Variants in KALRN observed in about 807,000 individuals in gnomAD.
KALRN encodes the protein kalirin RhoGEF kinase.
A neutral mutation model predicts 353.7 loss-of-function variants in KALRN; 70 were observed. The observed-to-expected ratio is 0.20, with a 90% CI of 0.16 to 0.24. The LOEUF is 0.24. Ranked by LOEUF, KALRN falls within the 10% of genes least tolerant of loss-of-function variation. The pLI is 1.00. For synonymous variants in KALRN, 1,391 were observed against 1,434.8 expected, an observed-to-expected ratio of 0.97 and a Z score of 0.69; for missense variants, 2,791 against 3,756.7, an observed-to-expected ratio of 0.74 and a Z score of 6.72.
At chr3:124,615,154 C>A (rs1274170782) in intron 34 of KALRN, among the ~76,000 whole-genome samples, 1 of 152,184 alleles carries the variant, frequency 6.6e-6, no homozygotes, top group Non-Finnish European at 1.5e-5. Flanking sequence ...TCAAAGTTAA[C>A]ATAACTATAG....
chr3:124,224,076 C>G (rs116031099), intron 1 of KALRN, among the ~76,000 whole-genome samples: 1,654 of 151,884 alleles, frequency 0.011, 27 homozygotes, highest in African/African-American at 0.036. Context: ...GCCAGTGAAG[C>G]ATGCCTTTGT....
chr3:124,689,090 C>T (rs1017083950), intron 51 of KALRN, among the ~76,000 whole-genome samples: 5 of 152,374 alleles, frequency 3.3e-5, no homozygotes, highest in South Asian at 2.1e-4. Flanking sequence ...TCTACACCAG[C>T]CCTGTCCTCC....
Position 124,496,302 on chromosome 3 carries a change from T to A in KALRN, c.4833-9T>A. The A allele has an allele frequency of 6.2e-7, 1 of 1,600,176 alleles. No individual in the cohort carries two copies. Among genetic ancestry groups the A allele is most frequent in the Non-Finnish European group, 8.6e-7 (1 of 1,168,582 alleles). On this transcript the variant is annotated splice_polypyrimidine_tract_variant and intron_variant, in intron 32 of 59. Coordinates refer to ENST00000682506, the MANE Select transcript of KALRN (RefSeq NM_001388419.1). The stretch of plus-strand genomic sequence containing the variant: ...CCCCACCCCTGTTTTTTTTCTCTTC[T>A]TCCTGCAGGGATGGAGTGGAGGATA...
intron 10 of KALRN, 140 bp downstream of exon 10, chr3:124,347,405 C>A: frequency 1.1e-6 from 1 of 893,346 alleles, no homozygotes; most frequent in Admixed American, 3.9e-5. Flanking sequence ...GTGTGTGTGT[C>A]TAGATGAGGG....
intron 26 of KALRN, among the ~76,000 whole-genome samples, chr3:124,475,527 C>G (rs542601836): frequency 6.6e-6 from 1 of 152,174 alleles, no homozygotes; most frequent in East Asian, 1.9e-4. Flanking sequence ...CAGGGTCAAG[C>G]GTTCTACTAT....
intron 39 of KALRN, among the ~76,000 whole-genome samples, chr3:124,655,931 T>C (rs1297535924): frequency 6.6e-6 from 1 of 152,214 alleles, no homozygotes; most frequent in African/African-American, 2.4e-5. Context: ...TCATTCCACT[T>C]TGTTTTAGGT....
At chr3:124,215,269 C>T (rs76114148) in intron 1 of KALRN, among the ~76,000 whole-genome samples, 164 of 152,192 alleles carry the variant, frequency 1.1e-3, no homozygotes, top group African/African-American at 3.7e-3. Flanking sequence ...TTGTAGTACT[C>T]GCCGAATAGC....
chr3:124,228,075 G>T lies in KALRN; in HGVS notation c.148+11G>T, dbSNP rs1192839290. ...TGGCCTTCGTGTCTGGTGAGTATTTGTGGGACTTTCTTTTGTAAAGGACCT... is the reference window on the plus strand; with the variant it reads ...TGGCCTTCGTGTCTGGTGAGTATTTTTGGGACTTTCTTTTGTAAAGGACCT... On this transcript the variant is annotated intron_variant, in intron 2 of 59. Coordinates refer to ENST00000682506, the MANE Select transcript of KALRN (RefSeq NM_001388419.1). 1.1e-5 allele frequency: 17 copies of T among 1,607,490 alleles called. No homozygotes were observed. Among genetic ancestry groups the T allele is most frequent in the Non-Finnish European group, 1.4e-5 (17 of 1,174,206 alleles).
chr3:124,250,141 G>C (rs988416773), intron 3 of KALRN, among the ~76,000 whole-genome samples: 1 of 152,186 alleles, frequency 6.6e-6, no homozygotes, highest in Non-Finnish European at 1.5e-5. Context: ...TGCAGGCAAA[G>C]AGCACTGGGC....
rs2083322875 is a variant in KALRN at position 124,650,788 on chromosome 3, C to G, written c.5665-20C>G. 6.7e-6 allele frequency: 10 copies of G among 1,492,304 alleles called. No individual in the cohort carries two copies. The highest frequency in any genetic ancestry group is 8.0e-6 in the Non-Finnish European group (9 of 1,126,684). The allele number at this position is 1,492,304 out of a possible 1,614,324, so 92.4% of individuals were successfully genotyped here. On this transcript the variant is annotated intron_variant, in intron 37 of 59. Transcript: ENST00000682506. ...CTTTTCAAAGTACACTTCTCTAAGCCTGTTTTTCTCTCTTTTCAGAGTCTA... is the reference window on the plus strand; with the variant it reads ...CTTTTCAAAGTACACTTCTCTAAGCGTGTTTTTCTCTCTTTTCAGAGTCTA...
chr3:124,656,567 C>T (rs113867992), intron 39 of KALRN, among the ~76,000 whole-genome samples: 2,312 of 152,138 alleles, frequency 0.015, 59 homozygotes, highest in African/African-American at 0.052. Context: ...GCTGAGATCG[C>T]GCCACCGCAC....
chr3:124,190,349 A>G (rs1216015038), intron 1 of KALRN, among the ~76,000 whole-genome samples: 1 of 152,132 alleles, frequency 6.6e-6, no homozygotes, highest in Non-Finnish European at 1.5e-5. Flanking sequence ...TTTATCCTCA[A>G]GACCCTACCT....
At chr3:124,051,086 T>C (rs1217169114) in intron 1 of KALRN, among the ~76,000 whole-genome samples, 1 of 152,230 alleles carries the variant, frequency 6.6e-6, no homozygotes, top group Non-Finnish European at 1.5e-5. Flanking sequence ...CGGGATTCCA[T>C]GTATATACAT....
chr3:124,143,245 A>T (rs2149805142), intron 1 of KALRN, among the ~76,000 whole-genome samples: 1 of 152,320 alleles, frequency 6.6e-6, no homozygotes, highest in African/African-American at 2.4e-5. Flanking sequence ...ATCTAGCAAG[A>T]AAAGGCACAT....
At chr3:124,204,031 G>A (rs141710124) in intron 1 of KALRN, among the ~76,000 whole-genome samples, 27 of 152,232 alleles carry the variant, frequency 1.8e-4, no homozygotes, top group African/African-American at 4.6e-4. Context: ...TTTGGTATAC[G>A]CGGAGGTCCT....
intron 15 of KALRN, among the ~76,000 whole-genome samples, chr3:124,429,598 A>G (rs1031759368): frequency 6.6e-6 from 1 of 152,216 alleles, no homozygotes; most frequent in Non-Finnish European, 1.5e-5. Context: ...TTCAGAGCCT[A>G]ACTCTTCCAG....
At chr3:124,518,325 TA>T in intron 33 of KALRN, 1 of 1,264,420 alleles carries the variant, frequency 7.9e-7, no homozygotes, top group Non-Finnish European at 1.2e-6. Context: ...CTGTTTTCTA[TA>T]AGGGCTACGG....
chr3:124,258,926 G>GC (rs1349049984), intron 3 of KALRN, among the ~76,000 whole-genome samples: 1 of 152,178 alleles, frequency 6.6e-6, no homozygotes, highest in Non-Finnish European at 1.5e-5. Flanking sequence ...GATATGGAGG[G>GC]CCAACTGTAT....
At chr3:124,094,749 C>T in intron 1 of KALRN, 2 of 1,098,514 alleles carry the variant, frequency 1.8e-6, no homozygotes, top group Non-Finnish European at 2.8e-6. Flanking sequence ...GCGAGCCCAG[C>T]GTCAAGTGAT....
Sources: allele counts gnomAD v4.1 joint callset (sites outside exome capture counted in the v4.1 genomes callset), GRCh38; gene constraint gnomAD v4.1.1; transcripts MANE v1.5; gene names NCBI Gene and HGNC (gene_info 2026-07-23, HGNC 2026-07-21).